The following SNAP25 variants were observed in gnomAD, a reference collection of about 807,000 sequenced individuals.
The protein encoded by SNAP25 is synaptosome associated protein 25, also known as synaptosomal-associated protein 25.
In SNAP25, 3 loss-of-function variants were observed where a neutral mutation model predicts 28.7. The ratio of observed to expected loss-of-function variants is 0.10; its 90% CI spans 0.05 to 0.27. SNAP25 has a LOEUF of 0.27. Ranked by LOEUF, SNAP25 falls within the 10% of genes least tolerant of loss-of-function variation. The pLI is 1.00. For missense variants in SNAP25, 117 were observed against 278.7 expected (o/e 0.42, Z 4.13); for synonymous variants, 61 against 88.1 (o/e 0.69, Z 1.72).
chr20:10,262,542 G>C (rs1379962922), intron 1 of SNAP25, among the ~76,000 whole-genome samples: 1 of 151,842 alleles, frequency 6.6e-6, no homozygotes, highest in African/African-American at 2.4e-5. Flanking sequence ...TCAGTGGTTT[G>C]TTGATTCCTC....
At chr20:10,224,156 G>C (rs1300500980) in intron 1 of SNAP25, among the ~76,000 whole-genome samples, 1 of 146,310 alleles carries the variant, frequency 6.8e-6, no homozygotes, top group East Asian at 2.1e-4. Context: ...AATGTAATCA[G>C]TCTGACTCCA....
chr20:10,294,189 C>G (rs530075591), intron 5 of SNAP25, among the ~76,000 whole-genome samples: 1 of 152,302 alleles, frequency 6.6e-6, no homozygotes, highest in South Asian at 2.1e-4. Flanking sequence ...CTTCCCCCTT[C>G]TAAAAGAAGA....
chr20:10,238,564 A>G (rs363036), intron 1 of SNAP25, among the ~76,000 whole-genome samples: 25,844 of 152,052 alleles, frequency 0.17, 4,267 homozygotes, highest in African/African-American at 0.44. Flanking sequence ...GTGCAACTCT[A>G]TTTTAGAGTC....
At chr20:10,271,765 A>G (rs762878089) in intron 1 of SNAP25, among the ~76,000 whole-genome samples, 1 of 152,232 alleles carries the variant, frequency 6.6e-6, no homozygotes, top group Non-Finnish European at 1.5e-5. Context: ...GAGAGCATGC[A>G]CAGAAACATT....
rs1373431667 is a variant in SNAP25, at chr20:10,297,367, C to G, written c.407+317C>G. ...AAGGGGGCAAGCCTCAGTGCACTTA[C>G]CAAACCTTTGCTTGCTTACCTTGTA... On this transcript the variant is annotated intron_variant, in intron 6 of 7. Coordinates refer to ENST00000254976, the MANE Select transcript of SNAP25 (RefSeq NM_130811.4). 2.6e-5 allele frequency among the ~76,000 whole-genome samples: 4 copies of G among 152,324 alleles called. No individual in the cohort carries two copies. The East Asian group carries it at 5.8e-4, about 22-fold the overall frequency.
chr20:10,253,573 A>T (rs891559117), intron 1 of SNAP25, among the ~76,000 whole-genome samples: 6 of 152,160 alleles, frequency 3.9e-5, no homozygotes, highest in Admixed American at 2.0e-4. Flanking sequence ...ATGCTCAGGG[A>T]TCATCCCTGT....
At chr20:10,248,072 C>T (rs1347491086) in intron 1 of SNAP25, among the ~76,000 whole-genome samples, 7 of 152,248 alleles carry the variant, frequency 4.6e-5, no homozygotes, top group Middle Eastern at 3.4e-3. Flanking sequence ...GATACAAAGA[C>T]GGATGGAGAA....
chr20:10,284,943 T>G (rs1464960675), intron 4 of SNAP25, among the ~76,000 whole-genome samples, 171 bp downstream of exon 4: 1 of 152,240 alleles, frequency 6.6e-6, no homozygotes, highest in Non-Finnish European at 1.5e-5. Context: ...AAAAGATTGG[T>G]AAATGTATGG....
chr20:10,263,939 G>C (rs1001660856), intron 1 of SNAP25, among the ~76,000 whole-genome samples: 1 of 152,120 alleles, frequency 6.6e-6, no homozygotes, highest in Non-Finnish European at 1.5e-5. Flanking sequence ...TGGTCAGTGA[G>C]GCTGCTGTGC....
chr20:10,244,720 T>C (rs1418190678), intron 1 of SNAP25, among the ~76,000 whole-genome samples: 1 of 151,104 alleles, frequency 6.6e-6, no homozygotes, highest in African/African-American at 2.4e-5. Flanking sequence ...TTTGTTTCTT[T>C]CTTTCTTTCT....
chr20:10,229,492 T>C (rs2062789001), intron 1 of SNAP25, among the ~76,000 whole-genome samples: 1 of 152,136 alleles, frequency 6.6e-6, no homozygotes, highest in Non-Finnish European at 1.5e-5. Flanking sequence ...GAATCTGTGC[T>C]CCTAAGCTGC....
chr20:10,292,389 A>G lies in SNAP25; in HGVS notation c.164-772A>G, dbSNP rs577990741. ...AGGGGAAGAAAAGACATCCATACCCATTGCTTATGATTGCTGCTGCTGCTG... is the reference window on the plus strand; with the variant it reads ...AGGGGAAGAAAAGACATCCATACCCGTTGCTTATGATTGCTGCTGCTGCTG... On this transcript the variant is annotated intron_variant, in intron 4 of 7. Coordinates refer to ENST00000254976, the MANE Select transcript of SNAP25 (RefSeq NM_130811.4). 7.9e-5 allele frequency among the ~76,000 whole-genome samples: 12 copies of G among 152,298 alleles called. No individual in the cohort carries two copies. The South Asian group carries it at 2.5e-3, about 32-fold the overall frequency.
intron 1 of SNAP25, among the ~76,000 whole-genome samples, chr20:10,254,006 G>A (rs1298356486): frequency 2.6e-5 from 4 of 152,168 alleles, no homozygotes; most frequent in Non-Finnish European, 5.9e-5. Flanking sequence ...TGGGGAAGAC[G>A]GCTGCTTCCT....
chr20:10,224,016 C>T (rs577015703), intron 1 of SNAP25, among the ~76,000 whole-genome samples: 5 of 152,126 alleles, frequency 3.3e-5, no homozygotes, highest in Non-Finnish European at 5.9e-5. Flanking sequence ...AAAGTGTTTA[C>T]CTATACTGGC....
At chr20:10,228,300 C>A (rs970023889) in intron 1 of SNAP25, among the ~76,000 whole-genome samples, 3 of 152,144 alleles carry the variant, frequency 2.0e-5, no homozygotes, top group African/African-American at 7.2e-5. Flanking sequence ...TTTTCCATGG[C>A]AGCCTTAAAA....
At chr20:10,281,063 G>C in intron 3 of SNAP25, among the ~76,000 whole-genome samples, 1 of 152,214 alleles carries the variant, frequency 6.6e-6, no homozygotes, top group East Asian at 1.9e-4. Flanking sequence ...GATTGTCTTA[G>C]TTCATCTGGA....
At chr20:10,278,940 G>C (rs891078542) in intron 3 of SNAP25, among the ~76,000 whole-genome samples, 3 of 143,058 alleles carry the variant, frequency 2.1e-5, no homozygotes, top group Non-Finnish European at 4.6e-5. Flanking sequence ...GGGGGTGGGA[G>C]GGTGGGGCGA....
chr20:10,305,456 C>T (rs1035127595), intron 7 of SNAP25, among the ~76,000 whole-genome samples: 1 of 152,100 alleles, frequency 6.6e-6, no homozygotes, highest in African/African-American at 2.4e-5. Context: ...ATGGGAGGCT[C>T]AGTTGAGCCC....
chr20:10,244,059 C>T (rs1187833048), intron 1 of SNAP25, among the ~76,000 whole-genome samples: 3 of 152,178 alleles, frequency 2.0e-5, no homozygotes, highest in Non-Finnish European at 4.4e-5. Flanking sequence ...TTTGTCTCAG[C>T]CTCAATTTCC....
Sources: gnomAD v4.1 joint callset for allele counts (sites outside exome capture counted in the v4.1 genomes callset) on GRCh38, gnomAD v4.1.1 for gene constraint, MANE v1.5 for transcripts, NCBI Gene and HGNC (gene_info 2026-07-23, HGNC 2026-07-21) for gene names.